Variants in GRIN2A observed in about 807,000 individuals in gnomAD.
GRIN2A encodes the protein glutamate receptor ionotropic, NMDA 2A.
In GRIN2A, 22 loss-of-function variants were observed where a neutral mutation model predicts 113.4. The ratio of observed to expected loss-of-function variants is 0.19; its 90% CI spans 0.14 to 0.28. The LOEUF (loss-of-function observed/expected upper bound fraction) is 0.28. Ranked by LOEUF, GRIN2A falls within the 10% of genes least tolerant of loss-of-function variation. The pLI is 1.00. For synonymous variants in GRIN2A, 827 were observed against 738.4 expected (o/e 1.12, Z -1.94); for missense variants, 1,502 against 1,887.0 (o/e 0.80, Z 3.78).
At chr16:10,083,056 G>C (rs575442002) in intron 2 of GRIN2A, among the ~76,000 whole-genome samples, 1 of 152,216 alleles carries the variant, frequency 6.6e-6, no homozygotes, top group African/African-American at 2.4e-5. Context: ...AGCATAGGAA[G>C]AGGAACAAGT....
At chr16:9,832,929 T>G (rs1043431679) in intron 8 of GRIN2A, among the ~76,000 whole-genome samples, 1 of 152,222 alleles carries the variant, frequency 6.6e-6, no homozygotes, top group African/African-American at 2.4e-5. Context: ...TCCTAATAGA[T>G]TCCCATGACC....
chr16:9,913,683 G>A (rs979183118), intron 3 of GRIN2A, among the ~76,000 whole-genome samples: 1 of 152,118 alleles, frequency 6.6e-6, no homozygotes, highest in Admixed American at 6.5e-5. Context: ...TCCTGGAAAA[G>A]AGCTATATTC....
rs375727937 is a variant in GRIN2A at position 10,073,912 on chromosome 16, C to T, written c.414+106086G>A. Among the ~76,000 whole-genome samples, 688 of 111,108 alleles carry T rather than the reference C, an allele frequency of 6.2e-3. 4 individuals carry two copies. The highest frequency in any genetic ancestry group is 0.021 in the African/African-American group (657 of 31,850). The allele number at this position is 111,108 out of a possible 152,430, so 72.9% of individuals were successfully genotyped here. A position where few individuals can be genotyped will look rare whatever the true frequency, so the allele number is the denominator to read the frequency against. On this transcript the variant is annotated intron_variant, in intron 2 of 12. Transcript: ENST00000330684. The stretch of plus-strand genomic sequence containing the variant: ...TCCAATCTGTGTGACAGAGTGAGAC[C>T]CCCGTCACAAAAAAAAAAAAAACGA...
At chr16:10,178,127 C>T (rs1164386066) in intron 2 of GRIN2A, among the ~76,000 whole-genome samples, 1 of 152,132 alleles carries the variant, frequency 6.6e-6, no homozygotes, top group African/African-American at 2.4e-5. Context: ...AGAAGGGATC[C>T]GTGGTAATAT....
intron 4 of GRIN2A, among the ~76,000 whole-genome samples, chr16:9,851,009 G>A (rs867923386): frequency 3.3e-5 from 5 of 152,022 alleles, no homozygotes; most frequent in Admixed American, 1.3e-4. Flanking sequence ...AAAACACCTC[G>A]TGTGAAAAGC....
At chr16:10,164,653 G>A (rs2049874211) in intron 2 of GRIN2A, among the ~76,000 whole-genome samples, 1 of 152,150 alleles carries the variant, frequency 6.6e-6, no homozygotes, top group Non-Finnish European at 1.5e-5. Flanking sequence ...AATAATCATA[G>A]AACTCCCCGC....
intron 3 of GRIN2A, among the ~76,000 whole-genome samples, chr16:9,915,006 G>C (rs905018657): frequency 7.8e-6 from 1 of 127,768 alleles, no homozygotes; most frequent in African/African-American, 3.0e-5. Context: ...GCGCGATCTC[G>C]TCTCACTGCA....
intron 2 of GRIN2A, among the ~76,000 whole-genome samples, chr16:10,041,179 G>C (rs897493765): frequency 2.0e-5 from 3 of 152,206 alleles, no homozygotes; most frequent in African/African-American, 7.2e-5. Context: ...CTTCTTCCAT[G>C]AGACCTTCCC....
chr16:9,988,536 C>T (rs1381927154), intron 2 of GRIN2A, among the ~76,000 whole-genome samples: 1 of 147,924 alleles, frequency 6.8e-6, no homozygotes, highest in African/African-American at 2.5e-5. Context: ...CTGTGTGTAC[C>T]AATTAATCTC....
At chr16:9,880,771 A>C (rs564931151) in intron 4 of GRIN2A, among the ~76,000 whole-genome samples, 1 of 152,298 alleles carries the variant, frequency 6.6e-6, no homozygotes, top group East Asian at 1.9e-4. Context: ...CAGAAATCCA[A>C]ATCTTGCTTA....
At chr16:10,056,543 T>C (rs2047459684) in intron 2 of GRIN2A, among the ~76,000 whole-genome samples, 1 of 152,146 alleles carries the variant, frequency 6.6e-6, no homozygotes, top group South Asian at 2.1e-4. Context: ...ACTCAGAACC[T>C]AATAATATGA....
At chr16:9,803,472 C>T (rs6497518) in intron 10 of GRIN2A, among the ~76,000 whole-genome samples, 53,936 of 151,718 alleles carry the variant, frequency 0.36, 10,086 homozygotes, top group African/African-American at 0.49. Context: ...TAGAGGGCTG[C>T]TGGGAATAAA....
chr16:10,137,082 C>A (rs373549395), intron 2 of GRIN2A, among the ~76,000 whole-genome samples: 51 of 152,286 alleles, frequency 3.3e-4, no homozygotes, highest in Middle Eastern at 3.4e-3. Flanking sequence ...AAATCCCTAC[C>A]GTTGGCTGCT....
intron 5 of GRIN2A, 132 bp from the exon 6 acceptor site, chr16:9,841,236 C>T (rs2042672468): frequency 1.3e-6 from 1 of 769,772 alleles, no homozygotes; most frequent in African/African-American, 1.7e-5. Context: ...TTCCCAAGGA[C>T]ACACTGTGAG....
intron 4 of GRIN2A, among the ~76,000 whole-genome samples, chr16:9,876,620 C>A (rs561139661): frequency 6.6e-6 from 1 of 152,226 alleles, no homozygotes; most frequent in East Asian, 1.9e-4. Flanking sequence ...CCTAAAATCC[C>A]GGGGATATTT....
At chr16:9,913,332 A>C (rs1596577693) in intron 3 of GRIN2A, among the ~76,000 whole-genome samples, 1 of 152,204 alleles carries the variant, frequency 6.6e-6, no homozygotes, top group Admixed American at 6.5e-5. Context: ...AAAAATATAC[A>C]TATAGAGTCT....
At chr16:9,801,813 G>GCC (rs980968571) in intron 10 of GRIN2A, among the ~76,000 whole-genome samples, 30 of 152,274 alleles carry the variant, frequency 2.0e-4, no homozygotes, top group Admixed American at 6.5e-4. Flanking sequence ...AATTGGGCCA[G>GCC]CCCTCCATGG....
chr16:9,765,579 T>C (rs191005634), intron 12 of GRIN2A, among the ~76,000 whole-genome samples: 1 of 152,264 alleles, frequency 6.6e-6, no homozygotes, highest in East Asian at 1.9e-4. Context: ...ATGTGGATGC[T>C]TGGATAGAAG....
intron 2 of GRIN2A, among the ~76,000 whole-genome samples, chr16:10,168,586 C>T (rs959158337): frequency 1.1e-4 from 17 of 152,324 alleles, no homozygotes; most frequent in Non-Finnish European, 1.6e-4. Flanking sequence ...ATATAGCCTT[C>T]CTATTCCATG....
Sources: gnomAD v4.1 joint callset for allele counts (sites outside exome capture counted in the v4.1 genomes callset) on GRCh38, gnomAD v4.1.1 for gene constraint, MANE v1.5 for transcripts, NCBI Gene and HGNC (gene_info 2026-07-23, HGNC 2026-07-21) for gene names.